LRP1B: variants seen among roughly 807,000 people sequenced by gnomAD.
LRP1B encodes low-density lipoprotein receptor-related protein 1B.
A neutral mutation model predicts 556.6 loss-of-function variants in LRP1B; 217 were observed. The ratio of observed to expected loss-of-function variants is 0.39; its 90% CI spans 0.35 to 0.44. LRP1B has a LOEUF of 0.44. Ranked by LOEUF, LRP1B falls within the 20% of genes least tolerant of loss-of-function variation. LRP1B has a pLI of 1.00. For missense variants in LRP1B, 5,053 were observed against 5,620.8 expected, an observed-to-expected ratio of 0.90 and a Z score of 3.23; for synonymous variants, 2,047 against 1,865.8, an observed-to-expected ratio of 1.10 and a Z score of -2.50.
At chr2:140,596,357 G>A (rs1341661399) in intron 43 of LRP1B, among the ~76,000 whole-genome samples, 1 of 152,068 alleles carries the variant, frequency 6.6e-6, no homozygotes, top group Non-Finnish European at 1.5e-5. Context: ...AGTTTTAAAG[G>A]GGATAATGTG....
intron 66 of LRP1B, among the ~76,000 whole-genome samples, chr2:140,424,896 A>T (rs1175963709): frequency 6.6e-6 from 1 of 152,224 alleles, no homozygotes; most frequent in Non-Finnish European, 1.5e-5. Context: ...TCCATTTTTA[A>T]CAAAAAGCTG....
intron 2 of LRP1B, among the ~76,000 whole-genome samples, chr2:141,547,460 G>T (rs1327980551): frequency 6.6e-6 from 1 of 151,970 alleles, no homozygotes; most frequent in Non-Finnish European, 1.5e-5. Flanking sequence ...AAAACTCTTT[G>T]ACAGTCCTGT....
intron 2 of LRP1B, among the ~76,000 whole-genome samples, chr2:141,699,370 T>C (rs1255996523): frequency 1.3e-5 from 2 of 151,856 alleles, no homozygotes; most frequent in Non-Finnish European, 2.9e-5. Context: ...TGTTAGATGC[T>C]ATAGATGTCT....
intron 2 of LRP1B, among the ~76,000 whole-genome samples, chr2:141,669,880 G>T (rs1172917339): frequency 6.6e-6 from 1 of 151,960 alleles, no homozygotes; most frequent in Non-Finnish European, 1.5e-5. Flanking sequence ...TCAGCCTCCT[G>T]AGTAGCTGGG....
chr2:141,977,955 C>G (rs934226183), intron 1 of LRP1B, among the ~76,000 whole-genome samples: 1 of 151,978 alleles, frequency 6.6e-6, no homozygotes, highest in Non-Finnish European at 1.5e-5. Flanking sequence ...GAACTACTTA[C>G]GAAGTATGAC....
chr2:140,765,039 G>T (rs1689054376), intron 35 of LRP1B, among the ~76,000 whole-genome samples: 1 of 151,854 alleles, frequency 6.6e-6, no homozygotes, highest in Admixed American at 6.6e-5. Context: ...ATACTGCCCA[G>T]GCTAGCCTCA....
chr2:142,071,366 C>T (rs965456575), intron 1 of LRP1B, among the ~76,000 whole-genome samples: 2 of 151,764 alleles, frequency 1.3e-5, no homozygotes, highest in African/African-American at 4.8e-5. Flanking sequence ...TTCTCATAAC[C>T]AGAGGGTGAT....
chr2:141,910,298 A>G (rs911756086), intron 1 of LRP1B, among the ~76,000 whole-genome samples: 8 of 152,096 alleles, frequency 5.3e-5, no homozygotes, highest in Non-Finnish European at 1.0e-4. Flanking sequence ...GAAGGAAGGC[A>G]TTAGTATTAG....
At chr2:140,283,563 C>T (rs558864262) in intron 84 of LRP1B, among the ~76,000 whole-genome samples, 51 of 141,800 alleles carry the variant, frequency 3.6e-4, no homozygotes, top group African/African-American at 1.2e-3. Flanking sequence ...TGATCAGTGA[C>T]ATCTCTAAGT....
intron 77 of LRP1B, among the ~76,000 whole-genome samples, chr2:140,349,185 A>G (rs1293535981): frequency 2.0e-5 from 3 of 152,062 alleles, no homozygotes; most frequent in African/African-American, 4.8e-5. Context: ...GAGACCCCTG[A>G]ACTAGAACCC....
At chr2:140,538,205 GCTT>G (rs1472667928) in intron 45 of LRP1B, among the ~76,000 whole-genome samples, 1 of 151,820 alleles carries the variant, frequency 6.6e-6, no homozygotes, top group African/African-American at 2.4e-5. Flanking sequence ...TCTATCTAAG[GCTT>G]CTTTTTTATT....
Position 140,536,770 on chromosome 2 carries a change from C to T in LRP1B, c.7514-61G>A, listed in dbSNP as rs1269071558. 6.3e-6 allele frequency: 8 copies of T among 1,263,864 alleles called. No individual in the cohort carries two copies. The African/African-American group carries it at 1.1e-4, about 17-fold the overall frequency. The allele number at this position is 1,263,864 out of a possible 1,614,324, so 78.3% of individuals were successfully genotyped here. A position where few individuals can be genotyped will look rare whatever the true frequency, so the allele number is the denominator to read the frequency against. On this transcript the variant is annotated intron_variant, in intron 45 of 90. Transcript: ENST00000389484. ...CAATGGCAAATATTTTTTGACACCA[C>T]TACAATTATTTTTCTTAATTTTAAT...
At chr2:140,542,881 A>G (rs757785499) in intron 43 of LRP1B, among the ~76,000 whole-genome samples, 3 of 152,196 alleles carry the variant, frequency 2.0e-5, no homozygotes, top group East Asian at 3.9e-4. Context: ...GTGCGAGCCA[A>G]CTCCTCCAGG....
At chr2:140,519,065 C>G (rs965916574) in intron 49 of LRP1B, among the ~76,000 whole-genome samples, 10 of 152,138 alleles carry the variant, frequency 6.6e-5, no homozygotes, top group African/African-American at 2.4e-4. Context: ...AATGCCATCC[C>G]CATCAAGCTA....
chr2:141,387,339 T>A (rs949320628), intron 3 of LRP1B, among the ~76,000 whole-genome samples: 4 of 151,882 alleles, frequency 2.6e-5, no homozygotes, highest in African/African-American at 9.7e-5. Context: ...AGAGCACAGA[T>A]AAATGACAGA....
intron 1 of LRP1B, among the ~76,000 whole-genome samples, chr2:142,118,929 T>C (rs995877861): frequency 1.3e-5 from 2 of 152,126 alleles, no homozygotes; most frequent in African/African-American, 2.4e-5. Flanking sequence ...TAATGTTGAC[T>C]TTAGCATTGA....
At chr2:141,585,327 A>C (rs1367860548) in intron 2 of LRP1B, among the ~76,000 whole-genome samples, 2 of 152,102 alleles carry the variant, frequency 1.3e-5, no homozygotes, top group Non-Finnish European at 2.9e-5. Flanking sequence ...CCTGTCATGA[A>C]GGATCCTTGT....
At chr2:141,764,979 G>C (rs1256226968) in intron 2 of LRP1B, among the ~76,000 whole-genome samples, 1 of 151,906 alleles carries the variant, frequency 6.6e-6, no homozygotes. Flanking sequence ...ATTGAAGCTG[G>C]CTGCAAGCTG....
intron 2 of LRP1B, among the ~76,000 whole-genome samples, chr2:141,652,395 T>C (rs1247045493): frequency 6.6e-6 from 1 of 152,232 alleles, no homozygotes. Flanking sequence ...GTTTTGATAA[T>C]GTGATTTATT....
Sources: allele counts gnomAD v4.1 joint callset (sites outside exome capture counted in the v4.1 genomes callset), GRCh38; gene constraint gnomAD v4.1.1; transcripts MANE v1.5; gene names NCBI Gene and HGNC (gene_info 2026-07-23, HGNC 2026-07-21).